The following LDHB variants were observed in gnomAD, a reference collection of about 807,000 sequenced individuals.
LDHB encodes the protein L-lactate dehydrogenase B chain.
A neutral mutation model predicts 33.4 loss-of-function variants in LDHB; 18 were observed. The ratio of observed to expected loss-of-function variants is 0.54; its 90% confidence interval spans 0.37 to 0.80. The LOEUF (loss-of-function observed/expected upper bound fraction) is 0.80. LDHB is among the 30% of genes least tolerant of loss of function. The probability of loss-of-function intolerance (pLI) is 0.00; values close to 1 mark genes in which losing one functional copy is unlikely to be tolerated. For synonymous variants in LDHB, 121 were observed against 140.6 expected, an observed-to-expected ratio of 0.86 and a Z score of 0.98; for missense variants, 345 against 407.9, an observed-to-expected ratio of 0.85 and a Z score of 1.33.
intron 7 of LDHB, among the ~76,000 whole-genome samples, chr12:21,636,060 G>GA (rs1938207593): frequency 6.6e-6 from 1 of 152,050 alleles, no homozygotes; most frequent in African/African-American, 2.4e-5. Context: ...TACACTATGA[G>GA]AAAATTAGAT....
rs772919825 is a variant in LDHB at position 21,638,339 on chromosome 12, T to C, written c.713+14A>G. On this transcript the variant is annotated intron_variant, in intron 6 of 7. Coordinates refer to ENST00000350669, the MANE Select transcript of LDHB (RefSeq NM_002300.8). Reference sequence around the variant, plus strand: ...TGAAATTAATCATCTAAAATCAAGTTCCCTTTCACTTACCTTTCAACCACC... The same window carrying C: ...TGAAATTAATCATCTAAAATCAAGTCCCCTTTCACTTACCTTTCAACCACC... 7.5e-7 allele frequency: 1 copy of C among 1,331,234 alleles called. No homozygotes were observed. Among genetic ancestry groups the C allele is most frequent in the South Asian group, 1.2e-5 (1 of 85,284 alleles). 82.5% of individuals were successfully genotyped at this position (1,331,234 alleles called of 1,614,324 possible).
intron 7 of LDHB, 144 bp downstream of exon 7, chr12:21,636,926 GA>G (rs2136959630): frequency 2.6e-6 from 2 of 756,020 alleles, no homozygotes; most frequent in African/African-American, 1.7e-5. Context: ...ACTTCTGTTG[GA>G]AAATGAGAAT....
rs775565996 is a variant in LDHB at position 21,652,137 on chromosome 12, A to T, written c.129+2406T>A. Among the ~76,000 whole-genome samples, 111 of 152,368 alleles carry T rather than the reference A, an allele frequency of 7.3e-4. 1 individual carries two copies. Among genetic ancestry groups the T allele is most frequent in the Non-Finnish European group, 7.1e-4 (48 of 68,042 alleles). ...TCATAGAGGTACTTCTTATAGAATCATGATAGCTCAGATATAGTTTCCTGA... is the reference window on the plus strand; with the variant it reads ...TCATAGAGGTACTTCTTATAGAATCTTGATAGCTCAGATATAGTTTCCTGA... On this transcript the variant is annotated intron_variant, in intron 2 of 7. Coordinates refer to ENST00000350669, the MANE Select transcript of LDHB (RefSeq NM_002300.8).
chr12:21,637,182 G>T lies in LDHB; in HGVS notation c.726C>A (p.Val242=). The change falls in exon 7 of 8, where the codon GTC becomes GTA. Residue 242 remains valine (V), a synonymous_variant. Coordinates refer to ENST00000350669, the MANE Select transcript of LDHB (RefSeq NM_002300.8). ...AGTTGGTATATCCTTTTAGCTTGAT[G>T]ACTTCATAGGCACTTAAAAAAATTA... ...HKMVVESAYE[V]IKLKGYTNWA... is the part of the protein sequence containing the mutation. 1 of 1,599,764 alleles carries T rather than the reference G, an allele frequency of 6.3e-7. No homozygotes were observed. The highest frequency in any genetic ancestry group is 1.1e-5 in the South Asian group (1 of 90,838).
intron 2 of LDHB, among the ~76,000 whole-genome samples, chr12:21,647,647 C>A (rs1211747714): frequency 1.3e-5 from 2 of 152,058 alleles, no homozygotes; most frequent in East Asian, 1.9e-4. Flanking sequence ...AAAATACAAT[C>A]TAAAGTAATG....
intron 1 of LDHB, chr12:21,656,972 T>C (rs547832041): frequency 6.6e-6 from 1 of 151,440 alleles, no homozygotes; most frequent in Admixed American, 6.6e-5. Context: ...CCTCCCCCCA[T>C]TCCCCAGGCC....
chr12:21,655,319 A>G (rs1003642185), intron 1 of LDHB, among the ~76,000 whole-genome samples: 3 of 152,196 alleles, frequency 2.0e-5, no homozygotes, highest in African/African-American at 7.2e-5. Flanking sequence ...TGTTTCCTCT[A>G]TTAAGAATGT....
intron 5 of LDHB, chr12:21,638,680 T>C (rs1442083425): frequency 1.6e-5 from 9 of 546,590 alleles, no homozygotes; most frequent in Non-Finnish European, 2.6e-5. Flanking sequence ...ACCTTTTAAC[T>C]TTCAAGAATT....
intron 5 of LDHB, among the ~76,000 whole-genome samples, chr12:21,640,913 T>C (rs1227829656): frequency 6.6e-6 from 1 of 151,572 alleles, no homozygotes; most frequent in Non-Finnish European, 1.5e-5. Flanking sequence ...TGACACAATA[T>C]TTTGGGCATG....
At position 21,635,343 on chromosome 12, in the gene LDHB, A is replaced by G; in HGVS notation, c.*199T>C. On this transcript the variant is annotated 3_prime_UTR_variant, in exon 8 of 8. Transcript: ENST00000350669. The stretch of plus-strand genomic sequence containing the variant: ...AGGAAGGAATCCCAGAAACAGAAGC[A>G]CACTACAATAGTTAATTTTATTTGT... 1 of 582,274 alleles carries G rather than the reference A, an allele frequency of 1.7e-6. No homozygotes were observed. Among genetic ancestry groups the G allele is most frequent in the Non-Finnish European group, 3.1e-6 (1 of 326,596 alleles). The allele number at this position is 582,274 out of a possible 1,614,324, so 36.1% of individuals were successfully genotyped here.
intron 3 of LDHB, among the ~76,000 whole-genome samples, chr12:21,645,084 G>A (rs1168260598): frequency 6.6e-6 from 1 of 152,012 alleles, no homozygotes; most frequent in Admixed American, 6.6e-5. Flanking sequence ...CCCCACCCCT[G>A]CGCTCCCTGA....
chr12:21,644,133 G>C (rs752513649), intron 3 of LDHB, 25 bp from the exon 4 acceptor site: 24 of 1,546,288 alleles, frequency 1.6e-5, no homozygotes, highest in Admixed American at 3.3e-5. Flanking sequence ...GCAAAAACAG[G>C]TACTTTAAAT....
intron 6 of LDHB, among the ~76,000 whole-genome samples, chr12:21,637,551 T>C (rs781551979): frequency 2.6e-5 from 4 of 151,972 alleles, no homozygotes; most frequent in Non-Finnish European, 5.9e-5. Flanking sequence ...AAGAACAAAA[T>C]ATATCTCAAT....
At chr12:21,640,872 C>G (rs1591828359) in intron 5 of LDHB, among the ~76,000 whole-genome samples, 1 of 151,564 alleles carries the variant, frequency 6.6e-6, no homozygotes, top group Non-Finnish European at 1.5e-5. Context: ...GTTTGAAAAG[C>G]CTGGGACAAC....
intron 7 of LDHB, 115 bp from the exon 8 acceptor site, chr12:21,635,824 A>G: frequency 1.2e-6 from 1 of 855,098 alleles, no homozygotes; most frequent in Non-Finnish European, 1.9e-6. Context: ...AGCTTCAGTG[A>G]GCTATGACAG....
At chr12:21,643,912 A>G in intron 4 of LDHB, 23 bp downstream of exon 4, 2 of 1,546,148 alleles carry the variant, frequency 1.3e-6, no homozygotes, top group Non-Finnish European at 8.9e-7. Context: ...AACAGAACAG[A>G]GACTTAAAGT....
chr12:21,654,913 G>T (rs548026056), intron 1 of LDHB, among the ~76,000 whole-genome samples: 2 of 152,008 alleles, frequency 1.3e-5, no homozygotes, highest in South Asian at 4.2e-4. Flanking sequence ...ACGAGGTCAA[G>T]AGATTGAGAC....
At chr12:21,637,755 A>T (rs1938256738) in intron 6 of LDHB, among the ~76,000 whole-genome samples, 1 of 152,028 alleles carries the variant, frequency 6.6e-6, no homozygotes, top group African/African-American at 2.4e-5. Flanking sequence ...TTGACACCCA[A>T]TCATTAGAAG....
intron 6 of LDHB, chr12:21,637,459 C>A: frequency 3.3e-6 from 1 of 307,144 alleles, no homozygotes; most frequent in Non-Finnish European, 6.0e-6. Flanking sequence ...GTCACTGTGG[C>A]AAAAATATAC....
Sources: allele counts gnomAD v4.1 joint callset (sites outside exome capture counted in the v4.1 genomes callset), GRCh38; gene constraint gnomAD v4.1.1; transcripts MANE v1.5; gene names NCBI Gene and HGNC (gene_info 2026-07-23, HGNC 2026-07-21).